The following QRICH2 variants were observed in gnomAD, a reference collection of about 807,000 sequenced individuals.
The protein encoded by QRICH2 is glutamine rich 2.
Under a neutral mutation model 168.3 loss-of-function variants are expected in QRICH2, and 119 were observed. The observed-to-expected ratio is 0.71, with a 90% CI of 0.61 to 0.82. QRICH2 has a LOEUF of 0.82. QRICH2 is among the 40% of genes least tolerant of loss of function. QRICH2 has a pLI of 0.00. For missense variants in QRICH2, 2,241 were observed against 2,491.6 expected (o/e 0.90, Z 2.14); for synonymous variants, 894 against 951.2 (o/e 0.94, Z 1.11).
rs2143316088 is a variant in QRICH2 at position 76,293,420 on chromosome 17, A to G, written c.1307T>C (p.Val436Ala). Residue 436 changes from valine (V) to alanine (A), a missense_variant, in exon 4 of 19, where the codon GTC becomes GCC. Val to Ala is a moderately conservative substitution (Grantham distance 64, BLOSUM62 0). Coordinates refer to ENST00000680821, the MANE Select transcript of QRICH2 (RefSeq NM_001388453.1). ...TGGCAACATACGTTGCTCATCCACG[A>G]CAAATGGTATCAATTCCCGATCATC... Reference protein sequence around the residue: ...EMDDRELIPFVVDEQRMLPPS... With the variant: ...EMDDRELIPFAVDEQRMLPPS... 1.2e-6 allele frequency: 2 copies of G among 1,614,214 alleles called. 1 individual carries two copies. The highest frequency in any genetic ancestry group is 4.5e-5 in the East Asian group (2 of 44,882).
At position 76,307,621 on chromosome 17, in the gene QRICH2, G is replaced by A. The variant is rs988558330; in HGVS notation, c.378C>T (p.Gly126=). 3 of 1,519,752 alleles carry A rather than the reference G, an allele frequency of 2.0e-6. No individual in the cohort carries two copies. In the African/African-American group the frequency reaches 4.1e-5, roughly 21 times the overall value. The allele number at this position is 1,519,752 out of a possible 1,614,324, so 94.1% of individuals were successfully genotyped here. A position where few individuals can be genotyped will look rare whatever the true frequency, so the allele number is the denominator to read the frequency against. Residue 126 remains glycine (G), a synonymous_variant, in exon 1 of 19, where the codon GGC becomes GGT. Coordinates refer to ENST00000680821, the MANE Select transcript of QRICH2 (RefSeq NM_001388453.1). The surrounding 1 kb of genome is among the most constrained non-coding windows in gnomAD (Gnocchi z 5.3). The part of the protein sequence containing the change: ...QLKRVDGQVQ[G]IATHVQHFSQ... ...AGAAGTGCTGCACGTGCGTGGCGAT[G>A]CCCTGCACCTGGCCGTCCACACGCT...
intron 3 of QRICH2, among the ~76,000 whole-genome samples, chr17:76,295,673 T>C (rs2143336385): frequency 6.6e-6 from 1 of 152,108 alleles, no homozygotes; most frequent in African/African-American, 2.4e-5. Context: ...AATGTAAACA[T>C]GCAAACCCAT....
intron 3 of QRICH2, 36 bp downstream of exon 3, chr17:76,304,379 C>T (rs765107321): frequency 7.0e-7 from 1 of 1,422,190 alleles, no homozygotes; most frequent in Admixed American, 1.7e-5. Context: ...TGGGGAGCCC[C>T]ACCCAAGACC....
At position 76,278,120 on chromosome 17, in the gene QRICH2, G is replaced by A. The variant is rs150906638; in HGVS notation, c.4986C>T (p.Arg1662=). Residue 1662 remains arginine (R), a synonymous_variant, in exon 15 of 19, where the codon CGC becomes CGT. Coordinates refer to ENST00000680821, the MANE Select transcript of QRICH2 (RefSeq NM_001388453.1). ...TCATCAGCATCTTGGAGTGCATGGA[G>A]CGCAGGCGCCCCACGCTCTGCTCCA... ...AQMEQSVGRL[R]SMHSKMLMNI... is the part of the protein sequence containing the mutation. 1,450 of 1,613,428 alleles carry A rather than the reference G, an allele frequency of 9.0e-4. 2 individuals carry two copies. Among genetic ancestry groups the A allele is most frequent in the Non-Finnish European group, 1.1e-3 (1,275 of 1,180,046 alleles).
chr17:76,292,369 T>A lies in QRICH2; in HGVS notation c.2358A>T (p.Glu786Asp). The change falls in exon 4 of 19, where the codon GAA becomes GAT. Residue 786 changes from glutamate (E) to aspartate (D), a missense_variant. Coordinates refer to ENST00000680821, the MANE Select transcript of QRICH2 (RefSeq NM_001388453.1). ...VDQHGLAQPGEVQRSLVQPGI... is the reference protein window; with the variant it reads ...VDQHGLAQPGDVQRSLVQPGI... ...CAGGTTGCACCAAACTACGCTGAAC[T>A]TCACCAGGTTGTGCCAAACCATGCT... 6.3e-7 allele frequency: 1 copy of A among 1,593,840 alleles called. No homozygotes were observed. Among genetic ancestry groups the A allele is most frequent in the Non-Finnish European group, 8.5e-7 (1 of 1,172,872 alleles).
At chr17:76,277,503 T>C (rs1598475791) in intron 15 of QRICH2, among the ~76,000 whole-genome samples, 193 bp from the exon 16 acceptor site, 1 of 151,998 alleles carries the variant, frequency 6.6e-6, no homozygotes, top group East Asian at 1.9e-4. Context: ...CCCCAGTGAC[T>C]GTGCACATGG....
intron 1 of QRICH2, among the ~76,000 whole-genome samples, chr17:76,305,558 T>C (rs2070978361): frequency 6.6e-6 from 1 of 152,086 alleles, no homozygotes; most frequent in African/African-American, 2.4e-5. Flanking sequence ...ACCTGGCTGG[T>C]AGCATGGCAG....
upstream of QRICH2, among the ~76,000 whole-genome samples, chr17:76,309,312 C>T (rs964754478): frequency 1.6e-4 from 24 of 148,964 alleles, no homozygotes; most frequent in Non-Finnish European, 2.7e-4. Context: ...GCCAAGATCG[C>T]ACCACTGCAC....
intron 14 of QRICH2, 110 bp from the exon 15 acceptor site, chr17:76,278,299 G>A: frequency 1.0e-6 from 1 of 1,002,502 alleles, no homozygotes. Context: ...ACCCAGCTAG[G>A]CTGGGGGTCG....
intron 3 of QRICH2, chr17:76,301,659 A>G (rs2070901476): frequency 6.5e-6 from 1 of 152,910 alleles, no homozygotes. Context: ...ACATTTTAAC[A>G]TCTCTGAAAT....
chr17:76,301,869 ATT>A (rs1457233098), intron 3 of QRICH2, among the ~76,000 whole-genome samples: 9 of 118,196 alleles, frequency 7.6e-5, no homozygotes, highest in Non-Finnish European at 1.4e-4. Context: ...CACCTGGCTA[ATT>A]TTGTGTGTGT....
chr17:76,293,615 T>C lies in QRICH2; in HGVS notation c.1112A>G (p.Asp371Gly). ...GCTAGCGGGCACACTACTGGGCTGG[T>C]CTCTGGCCAAGGGTAAGTCCTGTTG... ...PVQQDLPLARDQPSSVPASQS... is the reference protein window; with the variant it reads ...PVQQDLPLARGQPSSVPASQS... Residue 371 changes from aspartate (D) to glycine (G), a missense_variant, in exon 4 of 19, where the codon GAC becomes GGC. By Grantham distance (94) the Asp-to-Gly change is moderately conservative. Around this residue, in one of 3 missense-constraint regions of QRICH2, gnomAD observed 2,047 missense variants for 2,303.8 expected, o/e 0.89. Transcript: ENST00000680821. 3 of 1,614,178 alleles carry C rather than the reference T, an allele frequency of 1.9e-6. No homozygotes were observed. Among genetic ancestry groups the C allele is most frequent in the Non-Finnish European group, 2.5e-6 (3 of 1,180,022 alleles).
At chr17:76,295,214 G>A (rs998266704) in intron 3 of QRICH2, among the ~76,000 whole-genome samples, 1 of 151,862 alleles carries the variant, frequency 6.6e-6, no homozygotes, top group African/African-American at 2.4e-5. Context: ...AGCTGAGATC[G>A]CACCACTGCA....
At position 76,290,080 on chromosome 17, in the gene QRICH2, A is replaced by T. The variant is rs1248826121; in HGVS notation, c.3713-3T>A. The T allele has an allele frequency of 6.2e-7, 1 of 1,610,052 alleles. No individual in the cohort carries two copies. The highest frequency in any genetic ancestry group is 2.2e-5 in the East Asian group (1 of 44,706). ...TTCAGGAGGTATGGTCCTTTTGACT[A>T]TGGAAAGCAGAAGCCTTATGATCAG... On this transcript the variant is annotated splice_region_variant and splice_polypyrimidine_tract_variant and intron_variant, in intron 4 of 18. Coordinates refer to ENST00000680821, the MANE Select transcript of QRICH2 (RefSeq NM_001388453.1).
In QRICH2 at chr17:76,277,204, G is replaced by C. The variant is rs146504717; in HGVS notation, c.5224C>G (p.Arg1742Gly). The C allele has an allele frequency of 1.9e-6, 3 of 1,603,134 alleles. No homozygotes were observed. The highest frequency in any genetic ancestry group is 2.5e-6 in the Non-Finnish European group (3 of 1,176,982). ...YHRSRPQHLP[R>G]GLYPTEEIQI... is the part of the protein sequence containing the mutation. ...ATCTCTTCAGTAGGATACAGGCCCC[G>C]GGGAAGGTGCTGCGGGCGGCTGCGG... The change falls in exon 16 of 19, where the codon CGG (arginine) becomes GGG (glycine). Residue 1742 changes from arginine (R) to glycine (G), a missense_variant. Physicochemically the swap from Arg to Gly is moderately radical, Grantham distance 125. Transcript: ENST00000680821.
upstream of QRICH2, among the ~76,000 whole-genome samples, chr17:76,308,838 C>T (rs1355932160): frequency 4.6e-5 from 7 of 151,996 alleles, no homozygotes; most frequent in South Asian, 8.3e-4. Context: ...CTCTGCCTCC[C>T]GGGTTGACAT....
chr17:76,292,518 G>C lies in QRICH2; in HGVS notation c.2209C>G (p.Gln737Glu). ...GCACGAGGTTGTGCCAAACCACGCT[G>C]ATCTACTCCAGGTTGGACCAAACCA... ...QHGLVQPGVD[Q>E]RGLAQPRADH... Residue 737 changes from glutamine (Q) to glutamate (E), a missense_variant, in exon 4 of 19, where the codon CAG becomes GAG. By Grantham distance (29) the Gln-to-Glu change is conservative (BLOSUM62 2). Around this residue, in one of 3 missense-constraint regions of QRICH2, gnomAD observed 2,047 missense variants for 2,303.8 expected, o/e 0.89. Coordinates refer to ENST00000680821, the MANE Select transcript of QRICH2 (RefSeq NM_001388453.1). The C allele has an allele frequency of 6.4e-7, 1 of 1,570,134 alleles. No homozygotes were observed. The highest frequency in any genetic ancestry group is 8.7e-7 in the Non-Finnish European group (1 of 1,151,520).
In QRICH2 at chr17:76,294,137, C is replaced by G. The variant is rs1443290543; in HGVS notation, c.706-116G>C. 5.4e-6 allele frequency: 7 copies of G among 1,297,956 alleles called. No individual in the cohort carries two copies. In the East Asian group the frequency reaches 9.5e-5, roughly 18 times the overall value. The allele number at this position is 1,297,956 out of a possible 1,614,324, so 80.4% of individuals were successfully genotyped here. ...GATTTAGGGCCCCTGGAGAAAAAAG[C>G]CCTCTGGTCCTAAAAGCTAAGCTTG... On this transcript the variant is annotated intron_variant, in intron 3 of 18. Transcript: ENST00000680821.
rs1733814533 is a variant in QRICH2, at chr17:76,308,222, C to T, written c.-224G>A. ...CACCCCTCCGCTGTCTGTCGCTGGC[C>T]TCGGGTCCCCGAGCTGGAGCCCTGG... On this transcript the variant is annotated 5_prime_UTR_variant, in exon 1 of 19. Coordinates refer to ENST00000680821, the MANE Select transcript of QRICH2 (RefSeq NM_001388453.1). 1 of 985,426 alleles carries T rather than the reference C, an allele frequency of 1.0e-6. No homozygotes were observed. Among genetic ancestry groups the T allele is most frequent in the Non-Finnish European group, 1.2e-6 (1 of 829,914 alleles). The allele number at this position is 985,426 out of a possible 1,614,324, so 61.0% of individuals were successfully genotyped here.
Sources: allele counts gnomAD v4.1 joint callset (sites outside exome capture counted in the v4.1 genomes callset), GRCh38; gene constraint gnomAD v4.1.1; regional missense constraint gnomAD v4.1.1; non-coding constraint Gnocchi (gnomAD v3.1); transcripts MANE v1.5; gene names NCBI Gene and HGNC (gene_info 2026-07-23, HGNC 2026-07-21).